GGA1: variants seen among roughly 807,000 people sequenced by gnomAD.
GGA1 encodes ADP-ribosylation factor-binding protein GGA1.
GGA1 carries 18 observed loss-of-function variants against 76.9 expected under a neutral mutation model. The ratio of observed to expected loss-of-function variants is 0.23; its 90% CI spans 0.16 to 0.35. The LOEUF (loss-of-function observed/expected upper bound fraction) is 0.35, where lower values mean the gene tolerates loss of function less well. Among genes scored for constraint, GGA1 ranks in the 10% least tolerant of loss-of-function variants. GGA1 has a pLI of 1.00. For missense variants in GGA1, 755 were observed against 859.0 expected (o/e 0.88, Z 1.51); for synonymous variants, 342 against 354.7 (o/e 0.96, Z 0.40).
intron 1 of GGA1, among the ~76,000 whole-genome samples, chr22:37,609,781 T>TTC (rs1320540858): frequency 6.6e-6 from 1 of 152,066 alleles, no homozygotes; most frequent in Admixed American, 6.5e-5. Flanking sequence ...CTAGTGAGGG[T>TTC]TCTCTCCCAA....
intron 1 of GGA1, chr22:37,610,771 C>T (rs1252708622): frequency 6.6e-6 from 1 of 152,276 alleles, no homozygotes; most frequent in Admixed American, 6.5e-5. Context: ...CACCTCCCTC[C>T]CTCTCTAGGT....
Position 37,629,464 on chromosome 22 carries a change from C to G in GGA1, c.1096C>G (p.Leu366Val), listed in dbSNP as rs1931401122. The change falls in exon 12 of 17, where the codon CTC (leucine) becomes GTC (valine). Residue 366 changes from leucine (L) to valine (V), a missense_variant and splice_region_variant. Transcript: ENST00000343632. ...LLDDELMSLGLSDPTPPSGPS... is the reference protein window; with the variant it reads ...LLDDELMSLGVSDPTPPSGPS... ...CCTCTCTCCTGCTTTCCCCTCAGGC[C>G]TCAGTGACCCCACACCCCCTTCAGG... 3.8e-6 allele frequency: 6 copies of G among 1,592,270 alleles called. No individual in the cohort carries two copies. The highest frequency in any genetic ancestry group is 4.3e-6 in the Non-Finnish European group (5 of 1,170,122).
Position 37,632,719 on chromosome 22 carries a change from G to A in GGA1, c.*8G>A, listed in dbSNP as rs532984852. On this transcript the variant is annotated 3_prime_UTR_variant, in exon 17 of 17. Coordinates refer to ENST00000343632, the MANE Select transcript of GGA1 (RefSeq NM_013365.5). This position sits in a 1 kb window ranked among gnomAD's most constrained non-coding sequence, Gnocchi z 5.1. ...ACCTGGGGTAGCCTCTAGAACAGAGGGGCTGGGGAGAGGAAGGGGCAGAGG... is the reference window on the plus strand; with the variant it reads ...ACCTGGGGTAGCCTCTAGAACAGAGAGGCTGGGGAGAGGAAGGGGCAGAGG... 26 of 1,504,578 alleles carry A rather than the reference G, an allele frequency of 1.7e-5. No individual in the cohort carries two copies. The East Asian group carries it at 3.3e-4, about 19-fold the overall frequency. The allele number at this position is 1,504,578 out of a possible 1,614,324, so 93.2% of individuals were successfully genotyped here.
At chr22:37,621,365 T>C (rs974303130) in intron 6 of GGA1, among the ~76,000 whole-genome samples, 1 of 152,194 alleles carries the variant, frequency 6.6e-6, no homozygotes, top group Non-Finnish European at 1.5e-5. Context: ...TTCTCAGCCA[T>C]GGGGATATAA....
intron 1 of GGA1, chr22:37,609,357 G>A (rs921336214): frequency 3.6e-6 from 4 of 1,096,444 alleles, no homozygotes; most frequent in African/African-American, 1.7e-5. Context: ...CCTGGAGCCC[G>A]CAAGTAGTCA....
intron 4 of GGA1, among the ~76,000 whole-genome samples, chr22:37,619,625 A>G (rs1376949150): frequency 6.6e-6 from 1 of 151,276 alleles, no homozygotes; most frequent in Non-Finnish European, 1.5e-5. Flanking sequence ...ATCCACCTGC[A>G]TTGGCCTCCC....
At chr22:37,615,989 T>C (rs2145904407) in intron 2 of GGA1, among the ~76,000 whole-genome samples, 1 of 151,958 alleles carries the variant, frequency 6.6e-6, no homozygotes, top group East Asian at 2.0e-4. Flanking sequence ...TACAGGCGCC[T>C]GCCACCACAC....
At position 37,627,084 on chromosome 22, in the gene GGA1, T is replaced by TG. The variant is rs1424743034; in HGVS notation, c.1093+1139dup. On this transcript the variant is annotated intron_variant, in intron 11 of 16. Transcript: ENST00000343632. ...GCTGATGCAGGAAAATTGCTTGAAC[T>TG]GGGGAAGCAGAGGTTGCGGTGAGCC... The TG allele has an allele frequency of 2.0e-5, 3 of 152,238 alleles. No homozygotes were observed. The East Asian group carries it at 5.8e-4, about 29-fold the overall frequency. 9.4% of individuals were successfully genotyped at this position (152,238 alleles called of 1,614,324 possible).
Position 37,630,060 on chromosome 22 carries a change from A to T in GGA1, c.1221A>T (p.Arg407=), listed in dbSNP as rs1341095408. The change falls in exon 13 of 17, where the codon CGA becomes CGT. Residue 407 remains arginine (R), a synonymous_variant. Transcript: ENST00000343632. ...ALAQAPSMES[R]PPAQTSLPAS... is the part of the protein sequence containing the mutation. ...CCCAGGCCCCCAGTATGGAAAGCCGACCCCCAGCGCAGACATCCCTGCCAG... is the reference window on the plus strand; with the variant it reads ...CCCAGGCCCCCAGTATGGAAAGCCGTCCCCCAGCGCAGACATCCCTGCCAG... The T allele has an allele frequency of 6.2e-7, 1 of 1,606,282 alleles. No individual in the cohort carries two copies. The highest frequency in any genetic ancestry group is 8.5e-7 in the Non-Finnish European group (1 of 1,174,760).
intron 7 of GGA1, among the ~76,000 whole-genome samples, chr22:37,622,992 G>A (rs369802084): frequency 6.6e-5 from 10 of 152,332 alleles, no homozygotes; most frequent in African/African-American, 1.9e-4. Context: ...CAAACACAAG[G>A]AGGGCAAGAG....
intron 4 of GGA1, chr22:37,619,971 C>T (rs1929578165): frequency 3.2e-6 from 2 of 632,638 alleles, no homozygotes; most frequent in Non-Finnish European, 5.7e-6. Flanking sequence ...TATGAGCAGG[C>T]CTGTCCCTCA....
At chr22:37,620,510 G>A (rs557286709) in intron 5 of GGA1, 149 bp downstream of exon 5, 22 of 815,848 alleles carry the variant, frequency 2.7e-5, no homozygotes, top group Middle Eastern at 3.7e-4. Context: ...CAGCTAGTGC[G>A]GCCTTCTGTG....
intron 2 of GGA1, among the ~76,000 whole-genome samples, chr22:37,616,115 T>C (rs566619805): frequency 6.6e-6 from 1 of 152,222 alleles, no homozygotes; most frequent in South Asian, 2.1e-4. Context: ...GTGCTGGGAT[T>C]ACAGGCATGA....
intron 2 of GGA1, 90 bp from the exon 3 acceptor site, chr22:37,616,832 A>C: frequency 7.1e-7 from 1 of 1,412,580 alleles, no homozygotes; most frequent in East Asian, 2.7e-5. Flanking sequence ...CCCTTGGAGG[A>C]GGGCTGCAGT....
chr22:37,613,975 A>T (rs1462837834), intron 1 of GGA1: 3 of 539,796 alleles, frequency 5.6e-6, no homozygotes, highest in Non-Finnish European at 1.0e-5. Context: ...ATAGTCTCTA[A>T]AAGTGGGGCC....
chr22:37,632,657 C>G lies in GGA1; in HGVS notation c.1866C>G (p.Asn622Lys). Residue 622 changes from asparagine to lysine, a missense_variant, in exon 17 of 17, where the codon AAC becomes AAG. Asn to Lys is a moderately conservative substitution (Grantham distance 94, BLOSUM62 0). Coordinates refer to ENST00000343632, the MANE Select transcript of GGA1 (RefSeq NM_013365.5). This position sits in a 1 kb window ranked among gnomAD's most constrained non-coding sequence, Gnocchi z 5.1. ...TCACCATGGGTGACCAGACCTACAA[C>G]GAGATGGGGGATGTGGACCAGTTCC... ...LTFTMGDQTY[N>K]EMGDVDQFPP... is the part of the protein sequence containing the mutation. 1 of 1,613,386 alleles carries G rather than the reference C, an allele frequency of 6.2e-7. No homozygotes were observed. Among genetic ancestry groups the G allele is most frequent in the Non-Finnish European group, 8.5e-7 (1 of 1,179,526 alleles).
At chr22:37,621,222 GA>G (rs1213877514) in intron 6 of GGA1, among the ~76,000 whole-genome samples, 1 of 152,192 alleles carries the variant, frequency 6.6e-6, no homozygotes, top group African/African-American at 2.4e-5. Flanking sequence ...ACTTGTGGGT[GA>G]AAAGTTAAAC....
At chr22:37,613,727 C>T (rs1184600533) in intron 1 of GGA1, among the ~76,000 whole-genome samples, 1 of 152,146 alleles carries the variant, frequency 6.6e-6, no homozygotes. Context: ...AGCTCCTTGG[C>T]TTCCCTCTGT....
intron 3 of GGA1, chr22:37,617,231 C>T: frequency 3.6e-6 from 5 of 1,384,544 alleles, no homozygotes; most frequent in Non-Finnish European, 4.6e-6. Context: ...CCTCTAGGGT[C>T]ATCTGGTCCA....
Sources: gnomAD v4.1 joint callset for allele counts (sites outside exome capture counted in the v4.1 genomes callset) on GRCh38, gnomAD v4.1.1 for gene constraint, Gnocchi (gnomAD v3.1) non-coding constraint, MANE v1.5 for transcripts, NCBI Gene and HGNC (gene_info 2026-07-23, HGNC 2026-07-21) for gene names.